RFWD3: variants seen among roughly 807,000 people sequenced by gnomAD.
RFWD3 encodes the protein ring finger and WD repeat domain 3.
RFWD3 carries 65 observed loss-of-function variants against 87.7 expected under a neutral mutation model. That is an observed-to-expected ratio of 0.74 (90% CI 0.61 to 0.91). The LOEUF is 0.91. Ranked by LOEUF, RFWD3 falls within the 40% of genes least tolerant of loss-of-function variation. The probability of loss-of-function intolerance (pLI) is 0.00; values close to 1 mark genes in which losing one functional copy is unlikely to be tolerated. For synonymous variants in RFWD3, 433 were observed against 352.8 expected (o/e 1.23, Z -2.55); for missense variants, 1,078 against 938.5 (o/e 1.15, Z -1.94).
intron 6 of RFWD3, among the ~76,000 whole-genome samples, chr16:74,638,647 CA>C (rs1959361171): frequency 6.6e-6 from 1 of 152,072 alleles, no homozygotes; most frequent in Non-Finnish European, 1.5e-5. Flanking sequence ...AGAGAACCCC[CA>C]AAACAATTAC....
At position 74,636,393 on chromosome 16, in the gene RFWD3, C is replaced by G. The variant is rs545140006; in HGVS notation, c.1379G>C (p.Ser460Thr). 1.9e-6 allele frequency: 3 copies of G among 1,614,192 alleles called. No homozygotes were observed. Among genetic ancestry groups the G allele is most frequent in the Non-Finnish European group, 2.5e-6 (3 of 1,180,036 alleles). Residue 460 changes from serine (S) to threonine (T), a missense_variant, in exon 8 of 13, where the codon AGC becomes ACC. Transcript: ENST00000361070. ...CRIMAYCDAL[S>T]CLVISQPSPQ... is the part of the protein sequence containing the mutation. Reference sequence around the variant, plus strand: ...AGAAGGCTGTGATATCACCAGGCAGCTCAGAGCATCACAGTATGCCATGAT... The same window carrying G: ...AGAAGGCTGTGATATCACCAGGCAGGTCAGAGCATCACAGTATGCCATGAT...
At chr16:74,662,941 G>A (rs559379362) in intron 1 of RFWD3, among the ~76,000 whole-genome samples, 1 of 149,642 alleles carries the variant, frequency 6.7e-6, no homozygotes, top group African/African-American at 2.5e-5. Context: ...GTCTCGCTCT[G>A]TTGCCCAGGC....
At position 74,625,321 on chromosome 16, in the gene RFWD3, G is replaced by T. The variant is rs1958898573; in HGVS notation, c.2181+1022C>A. ...AGACTGCTTGAGCCCAGGAGTTTGA[G>T]ACCAGCCTGGGAAACATGGCAAAAC... is the stretch of plus-strand genomic sequence containing the variant. On this transcript the variant is annotated intron_variant, in intron 12 of 12. Coordinates refer to ENST00000361070, the MANE Select transcript of RFWD3 (RefSeq NM_018124.4). Among the ~76,000 whole-genome samples the T allele has an allele frequency of 2.6e-5, 4 of 151,992 alleles. No individual in the cohort carries two copies. In the South Asian group the frequency reaches 8.3e-4, roughly 32 times the overall value.
chr16:74,660,211 T>C (rs2144346537), intron 2 of RFWD3, among the ~76,000 whole-genome samples: 1 of 151,982 alleles, frequency 6.6e-6, no homozygotes, highest in Non-Finnish European at 1.5e-5. Context: ...CAAAGCCCTC[T>C]CTGAGCGGAG....
intron 11 of RFWD3, among the ~76,000 whole-genome samples, 193 bp downstream of exon 11, chr16:74,628,259 G>A (rs991255534): frequency 6.6e-5 from 10 of 152,164 alleles, no homozygotes; most frequent in South Asian, 2.1e-4. Context: ...GTCCTCACAC[G>A]TAAGGAGCAG....
intron 1 of RFWD3, chr16:74,665,279 C>G (rs970612248): frequency 6.6e-6 from 1 of 152,484 alleles, no homozygotes; most frequent in South Asian, 2.1e-4. Context: ...AAATTCCCAT[C>G]TCTACCAAAA....
intron 6 of RFWD3, 146 bp downstream of exon 6, chr16:74,644,216 G>T: frequency 3.9e-6 from 3 of 770,080 alleles, no homozygotes; most frequent in South Asian, 1.5e-5. Context: ...AAATAACAGT[G>T]TAAGACAGAC....
intron 7 of RFWD3, among the ~76,000 whole-genome samples, chr16:74,637,211 G>A (rs1212423572): frequency 2.0e-5 from 3 of 151,092 alleles, no homozygotes; most frequent in Non-Finnish European, 2.9e-5. Flanking sequence ...GCAGTAGTGC[G>A]ATCACAGCTC....
chr16:74,662,957 T>C (rs1961577879), intron 1 of RFWD3, among the ~76,000 whole-genome samples: 1 of 151,002 alleles, frequency 6.6e-6, no homozygotes, highest in Non-Finnish European at 1.5e-5. Flanking sequence ...CAGGCTGGAG[T>C]GCAGTGGCGC....
intron 2 of RFWD3, among the ~76,000 whole-genome samples, chr16:74,653,421 C>G (rs920982054): frequency 4.0e-5 from 6 of 150,864 alleles, no homozygotes; most frequent in African/African-American, 1.5e-4. Flanking sequence ...TTTGAGGCCA[C>G]AGAGAGTGAG....
chr16:74,628,538 G>A lies in RFWD3; in HGVS notation c.1883C>T (p.Pro628Leu). The A allele has an allele frequency of 6.2e-7, 1 of 1,614,150 alleles. No individual in the cohort carries two copies. Among genetic ancestry groups the A allele is most frequent in the Non-Finnish European group, 8.5e-7 (1 of 1,180,036 alleles). Residue 628 changes from proline (P) to leucine (L), a missense_variant, in exon 11 of 13, where the codon CCT becomes CTT. Physicochemically the swap from Pro to Leu is moderately conservative, Grantham distance 98. Transcript: ENST00000361070. ...WEQKMDFSHW[P>L]HVLPLEPGGC... ...CCCTGGCTCCAAGGGCAGCACATGAGGCCAATGAGAAAAGTCCATTTTCTG... is the reference window on the plus strand; with the variant it reads ...CCCTGGCTCCAAGGGCAGCACATGAAGCCAATGAGAAAAGTCCATTTTCTG...
chr16:74,635,256 C>T (rs1959184919), intron 8 of RFWD3, among the ~76,000 whole-genome samples: 1 of 151,242 alleles, frequency 6.6e-6, no homozygotes, highest in South Asian at 2.1e-4. Context: ...GCAGTCCGGC[C>T]TAGGCGAAAG....
intron 8 of RFWD3, 129 bp downstream of exon 8, chr16:74,636,217 T>G: frequency 2.6e-6 from 2 of 764,818 alleles, no homozygotes; most frequent in Non-Finnish European, 4.3e-6. Context: ...CTGGGGTACT[T>G]GCATTAACAA....
intron 7 of RFWD3, 32 bp downstream of exon 7, chr16:74,637,824 A>G (rs372178471): frequency 6.6e-7 from 1 of 1,525,850 alleles, no homozygotes; most frequent in African/African-American, 1.4e-5. Flanking sequence ...TCCTATTCCA[A>G]AAGTTCTTTG....
rs1208070710 is a variant in RFWD3, at chr16:74,636,515, T to C, written c.1257A>G (p.Ala419=). ...TGGAGGGTGAGCAGCTCAGGACCCA[T>C]GCTTGGGAGCCCCTGGGTTGCTGTA... ...QNLQQPRGSQ[A]WVLSCSPSSQ... Residue 419 remains alanine (A), a synonymous_variant, in exon 8 of 13, where the codon GCA becomes GCG. Coordinates refer to ENST00000361070, the MANE Select transcript of RFWD3 (RefSeq NM_018124.4). 5 of 1,614,086 alleles carry C rather than the reference T, an allele frequency of 3.1e-6. No individual in the cohort carries two copies. In the Admixed American group the frequency reaches 5.0e-5, roughly 16 times the overall value.
At chr16:74,636,719 TG>T (rs1959204677) in intron 7 of RFWD3, 142 bp from the exon 8 acceptor site, 3 of 708,616 alleles carry the variant, frequency 4.2e-6, no homozygotes, top group Admixed American at 2.9e-5. Context: ...GCAGAGTTTT[TG>T]TTTTTTTTTT....
Position 74,651,982 on chromosome 16 carries a change from C to T in RFWD3, c.659G>A (p.Ser220Asn). The T allele has an allele frequency of 6.2e-7, 1 of 1,614,042 alleles. No individual in the cohort carries two copies. Among genetic ancestry groups the T allele is most frequent in the Middle Eastern group, 1.6e-4 (1 of 6,062 alleles). ...VSSSSDSDSD[S>N]SAEYGGVVDQ... ...AACAACCCCTCCATACTCTGCAGAG[C>T]TGTCACTGTCAGAATCAGAACTACT... The change falls in exon 3 of 13, where the codon AGC (serine) becomes AAC (asparagine). Residue 220 changes from serine (S) to asparagine (N), a missense_variant. By Grantham distance (46) the Ser-to-Asn change is conservative. Coordinates refer to ENST00000361070, the MANE Select transcript of RFWD3 (RefSeq NM_018124.4).
In RFWD3 at chr16:74,651,923, C is replaced by G. The variant is rs373621514; in HGVS notation, c.718G>C (p.Glu240Gln). ...CAAACCTGGGTAAAATACTGACCTT[C>G]TAAAATGACAGCTCCAGATTCCTCT... ...QAEESGAVIL[E>Q]EQLAGVSAEQ... is the part of the protein sequence containing the mutation. The change falls in exon 3 of 13, where the codon GAA becomes CAA. Residue 240 changes from glutamate to glutamine, a missense_variant. Transcript: ENST00000361070. 2.5e-6 allele frequency: 4 copies of G among 1,613,828 alleles called. No individual in the cohort carries two copies. Among genetic ancestry groups the G allele is most frequent in the Non-Finnish European group, 2.5e-6 (3 of 1,179,816 alleles).
chr16:74,628,580 T>C lies in RFWD3; in HGVS notation c.1841A>G (p.Asp614Gly). ...CATTTTCTGTTCCCAGAATGAAGCATCCTCCAAGGTTCCAGCCAGCACCCC... is the reference window on the plus strand; with the variant it reads ...CATTTTCTGTTCCCAGAATGAAGCACCCTCCAAGGTTCCAGCCAGCACCCC... ...YGGVLAGTLE[D>G]ASFWEQKMDF... The change falls in exon 11 of 13, where the codon GAT becomes GGT. Residue 614 changes from aspartate to glycine, a missense_variant. Physicochemically the swap from Asp to Gly is moderately conservative, Grantham distance 94. Coordinates refer to ENST00000361070, the MANE Select transcript of RFWD3 (RefSeq NM_018124.4). The C allele has an allele frequency of 6.2e-7, 1 of 1,614,106 alleles. No homozygotes were observed. The highest frequency in any genetic ancestry group is 1.1e-5 in the South Asian group (1 of 91,088).
Sources: gnomAD v4.1 joint callset for allele counts (sites outside exome capture counted in the v4.1 genomes callset) on GRCh38, gnomAD v4.1.1 for gene constraint, MANE v1.5 for transcripts, NCBI Gene and HGNC (gene_info 2026-07-23, HGNC 2026-07-21) for gene names.